The following SLC43A1 variants were observed in gnomAD, a reference collection of about 807,000 sequenced individuals.
SLC43A1 encodes large neutral amino acids transporter small subunit 3.
SLC43A1 carries 31 observed loss-of-function variants against 59.5 expected under a neutral mutation model. That is an observed-to-expected ratio of 0.52 (90% CI 0.39 to 0.70). The LOEUF is 0.70. Ranked by LOEUF, SLC43A1 falls within the 30% of genes least tolerant of loss-of-function variation. The pLI, the probability that SLC43A1 is intolerant of heterozygous loss-of-function variation, is 0.00. For synonymous variants in SLC43A1, 259 were observed against 290.9 expected, an observed-to-expected ratio of 0.89 and a Z score of 1.12; for missense variants, 598 against 717.8, an observed-to-expected ratio of 0.83 and a Z score of 1.91.
At chr11:57,512,418 C>A (rs1944571083) in intron 2 of SLC43A1, among the ~76,000 whole-genome samples, 1 of 151,950 alleles carries the variant, frequency 6.6e-6, no homozygotes, top group African/African-American at 2.4e-5. Context: ...ATGGTGAAAG[C>A]CCGTCTCTAC....
Position 57,491,857 on chromosome 11 carries a change from C to A in SLC43A1, c.877G>T (p.Val293Phe). ...GAGCAGAGGCTCTTGCGTAAGGGGACAGACCCTGGGGAGACAGCAGGGGGC... is the reference window on the plus strand; with the variant it reads ...GAGCAGAGGCTCTTGCGTAAGGGGAAAGACCCTGGGGAGACAGCAGGGGGC... ...GTSENLPERS[V>F]PLRKSLCSPT... The change falls in exon 9 of 15, where the codon GTC becomes TTC. Residue 293 changes from valine to phenylalanine, a missense_variant. Transcript: ENST00000278426. 1.2e-6 allele frequency: 2 copies of A among 1,614,062 alleles called. No homozygotes were observed. The highest frequency in any genetic ancestry group is 1.7e-6 in the Non-Finnish European group (2 of 1,180,014).
At chr11:57,492,458 A>AAT (rs1210688784) in intron 8 of SLC43A1, among the ~76,000 whole-genome samples, 3 of 133,796 alleles carry the variant, frequency 2.2e-5, no homozygotes, top group Non-Finnish European at 4.7e-5. Flanking sequence ...ATATAATATA[A>AAT]ATATATATAT....
At chr11:57,513,935 A>AC in intron 2 of SLC43A1, 23 bp downstream of exon 2, 3 of 464,062 alleles carry the variant, frequency 6.5e-6, no homozygotes, top group African/African-American at 2.8e-5. Context: ...CCCCCAGCCC[A>AC]CCCAGCCCAT....
chr11:57,501,858 A>G (rs1029011249), intron 2 of SLC43A1, among the ~76,000 whole-genome samples: 3 of 152,244 alleles, frequency 2.0e-5, no homozygotes, highest in Non-Finnish European at 4.4e-5. Context: ...AAATTTAGAA[A>G]GAACACTAAA....
chr11:57,508,468 G>A (rs1401961686), intron 2 of SLC43A1, among the ~76,000 whole-genome samples: 2 of 152,052 alleles, frequency 1.3e-5, no homozygotes, highest in African/African-American at 2.4e-5. Flanking sequence ...AGCAGAAAAC[G>A]GACACTTTTG....
At chr11:57,491,540 C>T (rs754698568) in intron 10 of SLC43A1, 51 bp downstream of exon 10, 22 of 1,610,680 alleles carry the variant, frequency 1.4e-5, no homozygotes, top group Admixed American at 5.0e-5. Context: ...CCCTGAGAAG[C>T]GGGTTGCAGT....
intron 6 of SLC43A1, 25 bp from the exon 7 acceptor site, chr11:57,496,189 T>G: frequency 1.2e-6 from 2 of 1,612,324 alleles, no homozygotes; most frequent in South Asian, 1.1e-5. Context: ...GGCAGGCCCG[T>G]GGGGGAGACT....
At chr11:57,504,089 T>C (rs1300288492) in intron 2 of SLC43A1, among the ~76,000 whole-genome samples, 5 of 152,026 alleles carry the variant, frequency 3.3e-5, no homozygotes, top group South Asian at 4.2e-4. Context: ...CCCAGCTACT[T>C]GGGAGGCTGA....
At chr11:57,489,060 A>G in intron 12 of SLC43A1, 71 bp from the exon 13 acceptor site, 3 of 1,511,064 alleles carry the variant, frequency 2.0e-6, no homozygotes, top group Non-Finnish European at 2.8e-6. Context: ...GGGTAGGGCG[A>G]AGAGGCCAAC....
At chr11:57,493,971 G>A (rs191448619) in intron 8 of SLC43A1, 22 bp downstream of exon 8, 57 of 1,561,716 alleles carry the variant, frequency 3.6e-5, no homozygotes, top group Middle Eastern at 3.4e-4. Context: ...CCCCAAGGCC[G>A]GCACCTTGAC....
chr11:57,498,819 T>C (rs976076786), intron 5 of SLC43A1, among the ~76,000 whole-genome samples: 1 of 152,136 alleles, frequency 6.6e-6, no homozygotes, highest in Non-Finnish European at 1.5e-5. Flanking sequence ...ATTGATCATG[T>C]GTTCCACTCA....
rs1276297483 is a variant in SLC43A1, at chr11:57,487,646, G to A, written c.1410-428C>T. On this transcript the variant is annotated intron_variant, in intron 13 of 14. Coordinates refer to ENST00000278426, the MANE Select transcript of SLC43A1 (RefSeq NM_003627.6). ...GAGGAGGTGGCATTCCCATGGAGCAGGTGGCGGTCAGACAATAAGCAAGAG... is the reference window on the plus strand; with the variant it reads ...GAGGAGGTGGCATTCCCATGGAGCAAGTGGCGGTCAGACAATAAGCAAGAG... Among the ~76,000 whole-genome samples, 4 of 152,108 alleles carry A rather than the reference G, an allele frequency of 2.6e-5. No individual in the cohort carries two copies. The East Asian group carries it at 7.8e-4, about 30-fold the overall frequency.
At position 57,496,125 on chromosome 11, in the gene SLC43A1, A is replaced by G; in HGVS notation, c.598T>C (p.Phe200Leu). Residue 200 changes from phenylalanine to leucine, a missense_variant, in exon 7 of 15, where the codon TTC becomes CTC. Phe to Leu is a conservative substitution (Grantham distance 22). Coordinates refer to ENST00000278426, the MANE Select transcript of SLC43A1 (RefSeq NM_003627.6). ...DAGVAFVVIMFTWSGLACLIF... is the reference protein window; with the variant it reads ...DAGVAFVVIMLTWSGLACLIF... ...AGGCAGGCCAGGCCAGACCAGGTGA[A>G]CATGATGACCACGAAGGCCACACCG... The G allele has an allele frequency of 6.2e-7, 1 of 1,614,154 alleles. No homozygotes were observed. The highest frequency in any genetic ancestry group is 8.5e-7 in the Non-Finnish European group (1 of 1,179,992).
chr11:57,485,259 G>C lies in SLC43A1; in HGVS notation c.1534-17C>G, dbSNP rs751477312. The C allele has an allele frequency of 6.2e-7, 1 of 1,604,116 alleles. No individual in the cohort carries two copies. The highest frequency in any genetic ancestry group is 1.7e-5 in the Admixed American group (1 of 58,364). On this transcript the variant is annotated splice_polypyrimidine_tract_variant and intron_variant, in intron 14 of 14. Transcript: ENST00000278426. Reference sequence around the variant, plus strand: ...CAGATTCACCTTTAGGGCAAGGAGAGAGAAACAGAGTCAAGTAGGTAGTCA... The same window carrying C: ...CAGATTCACCTTTAGGGCAAGGAGACAGAAACAGAGTCAAGTAGGTAGTCA...
intron 8 of SLC43A1, 24 bp from the exon 9 acceptor site, chr11:57,491,886 C>A: frequency 6.2e-7 from 1 of 1,611,614 alleles, no homozygotes. Context: ...AGGGGGCGCC[C>A]CTGAGCCCCA....
intron 2 of SLC43A1, among the ~76,000 whole-genome samples, chr11:57,510,517 A>C (rs937480768): frequency 5.3e-5 from 8 of 151,438 alleles, no homozygotes; most frequent in Non-Finnish European, 7.4e-5. Context: ...TGAGGCTACA[A>C]AGAAAGTGAA....
At chr11:57,491,434 G>T in intron 10 of SLC43A1, 72 bp from the exon 11 acceptor site, 1 of 1,558,014 alleles carries the variant, frequency 6.4e-7, no homozygotes, top group Non-Finnish European at 8.7e-7. Context: ...TTCCAGCGGA[G>T]GCCAGAGAGC....
intron 2 of SLC43A1, among the ~76,000 whole-genome samples, chr11:57,504,634 G>T (rs1364848082): frequency 6.6e-6 from 1 of 152,188 alleles, no homozygotes; most frequent in Non-Finnish European, 1.5e-5. Context: ...GCTTCTTACA[G>T]GCAGGCTCAG....
intron 5 of SLC43A1, among the ~76,000 whole-genome samples, 173 bp from the exon 6 acceptor site, chr11:57,498,018 G>A (rs1377215429): frequency 6.6e-6 from 1 of 152,184 alleles, no homozygotes; most frequent in Non-Finnish European, 1.5e-5. Flanking sequence ...CACAGTCACA[G>A]TGCCCTTTAG....
Sources: allele counts gnomAD v4.1 joint callset (sites outside exome capture counted in the v4.1 genomes callset), GRCh38; gene constraint gnomAD v4.1.1; transcripts MANE v1.5; gene names NCBI Gene and HGNC (gene_info 2026-07-23, HGNC 2026-07-21).